ABI3BP: variants seen among roughly 807,000 people sequenced by gnomAD.
ABI3BP encodes the protein target of Nesh-SH3.
ABI3BP carries 216 observed loss-of-function variants against 268.6 expected under a neutral mutation model. The ratio of observed to expected loss-of-function variants is 0.80; its 90% confidence interval spans 0.72 to 0.90. The LOEUF is 0.90. ABI3BP is among the 40% of genes least tolerant of loss of function. ABI3BP has a pLI of 0.00. For missense variants in ABI3BP, 2,090 were observed against 2,182.4 expected (o/e 0.96, Z 0.84); for synonymous variants, 730 against 730.0 (o/e 1.00, Z 0.00).
chr3:100,793,903 C>T (rs2097265794), intron 54 of ABI3BP, among the ~76,000 whole-genome samples: 1 of 151,958 alleles, frequency 6.6e-6, no homozygotes, highest in African/African-American at 2.4e-5. Context: ...GTTTCCCACA[C>T]AGCACATTTG....
intron 1 of ABI3BP, among the ~76,000 whole-genome samples, chr3:100,970,880 A>T (rs950839424): frequency 6.6e-6 from 1 of 152,152 alleles, no homozygotes; most frequent in South Asian, 2.1e-4. Context: ...TCAGTATCCA[A>T]ATGAAATGAT....
At chr3:100,882,506 G>A (rs1211634766) in intron 6 of ABI3BP, among the ~76,000 whole-genome samples, 2 of 151,030 alleles carry the variant, frequency 1.3e-5, no homozygotes, top group African/African-American at 2.4e-5. Flanking sequence ...CTCAAAGAAG[G>A]CTTAAAATAT....
At chr3:100,904,577 A>T (rs973221640) in intron 2 of ABI3BP, among the ~76,000 whole-genome samples, 1 of 152,224 alleles carries the variant, frequency 6.6e-6, no homozygotes, top group Non-Finnish European at 1.5e-5. Context: ...AGGGGGACAC[A>T]CAGAGCTGTG....
chr3:100,752,612 T>G (rs1321763015), intron 66 of ABI3BP, 175 bp downstream of exon 66: 2 of 621,540 alleles, frequency 3.2e-6, no homozygotes, highest in Non-Finnish European at 5.4e-6. Flanking sequence ...TAGCATGTCT[T>G]AAATCCTTGC....
At chr3:100,938,788 C>T (rs2067429536) in intron 1 of ABI3BP, among the ~76,000 whole-genome samples, 6 of 152,100 alleles carry the variant, frequency 3.9e-5, no homozygotes, top group Admixed American at 3.9e-4. Flanking sequence ...GCTTACATGA[C>T]CTTCCATCAG....
chr3:100,944,678 A>G (rs957489203), intron 1 of ABI3BP, among the ~76,000 whole-genome samples: 1 of 152,172 alleles, frequency 6.6e-6, no homozygotes, highest in South Asian at 2.1e-4. Context: ...TTTATCTGCC[A>G]TCTTTGCTTA....
chr3:100,958,150 A>T lies in ABI3BP; in HGVS notation c.80-31669T>A, dbSNP rs550029734. On this transcript the variant is annotated intron_variant, in intron 1 of 67. Coordinates refer to ENST00000471714, the MANE Select transcript of ABI3BP (RefSeq NM_001375547.2). ...ATCCCTAATAGACTATATTCTGAAT[A>T]TAAGACAATGAGTTTCATTGTAAGT... Among the ~76,000 whole-genome samples, 19 of 152,368 alleles carry T rather than the reference A, an allele frequency of 1.2e-4. No individual in the cohort carries two copies. The South Asian group carries it at 3.7e-3, about 30-fold the overall frequency.
At chr3:100,843,004 G>C (rs1442156336) in intron 20 of ABI3BP, among the ~76,000 whole-genome samples, 2 of 152,130 alleles carry the variant, frequency 1.3e-5, no homozygotes, top group Admixed American at 1.3e-4. Context: ...AATGATCTCT[G>C]ATATTACTTG....
chr3:100,877,527 G>A (rs6778625), intron 6 of ABI3BP, among the ~76,000 whole-genome samples: 106,453 of 152,062 alleles, frequency 0.7, 38,082 homozygotes, highest in Non-Finnish European at 0.78. Flanking sequence ...AAGTCCCACA[G>A]GAGGTTCTGA....
At chr3:100,780,567 CA>C (rs773372963) in intron 57 of ABI3BP, among the ~76,000 whole-genome samples, 2 of 151,672 alleles carry the variant, frequency 1.3e-5, no homozygotes, top group African/African-American at 4.9e-5. Context: ...TTTTGTAATT[CA>C]AAAAAAATTT....
intron 6 of ABI3BP, among the ~76,000 whole-genome samples, chr3:100,884,101 T>C (rs2040736012): frequency 6.6e-6 from 1 of 152,102 alleles, no homozygotes; most frequent in Non-Finnish European, 1.5e-5. Context: ...CAAAAGATGT[T>C]CTAAAGTTTT....
chr3:100,988,216 T>C (rs1027702523), intron 1 of ABI3BP, among the ~76,000 whole-genome samples: 1 of 152,138 alleles, frequency 6.6e-6, no homozygotes, highest in Non-Finnish European at 1.5e-5. Context: ...CATTCTTGTT[T>C]TGTCAAAGTG....
chr3:100,811,076 G>A (rs761191671), intron 48 of ABI3BP, among the ~76,000 whole-genome samples, 154 bp downstream of exon 48: 16 of 152,228 alleles, frequency 1.1e-4, no homozygotes, highest in Admixed American at 5.2e-4. Flanking sequence ...TTTGGACAAT[G>A]GTTATGGATA....
At chr3:100,891,160 A>G (rs1281678540) in intron 4 of ABI3BP, among the ~76,000 whole-genome samples, 2 of 152,182 alleles carry the variant, frequency 1.3e-5, no homozygotes, top group Non-Finnish European at 2.9e-5. Flanking sequence ...GATAAGGCAA[A>G]TGCAAGTTAT....
At chr3:100,890,984 C>CTTT (rs35008478) in intron 4 of ABI3BP, among the ~76,000 whole-genome samples, 14 of 143,708 alleles carry the variant, frequency 9.7e-5, no homozygotes, top group Admixed American at 2.1e-4. Context: ...AACTGGTCAA[C>CTTT]TTTTTTTTTT....
chr3:100,822,102 C>A (rs139844808), intron 38 of ABI3BP, among the ~76,000 whole-genome samples: 27 of 152,240 alleles, frequency 1.8e-4, no homozygotes, highest in African/African-American at 6.0e-4. Flanking sequence ...TGATAGCACT[C>A]CAAAACCAGT....
rs1443592270 is a variant in ABI3BP at position 100,817,631 on chromosome 3, A to T, written c.3089-136T>A. 4 of 542,840 alleles carry T rather than the reference A, an allele frequency of 7.4e-6. No individual in the cohort carries two copies. In the South Asian group the frequency reaches 1.2e-4, roughly 16 times the overall value. The allele number at this position is 542,840 out of a possible 1,614,324, so 33.6% of individuals were successfully genotyped here. The stretch of plus-strand genomic sequence containing the variant: ...GCCAAACCATGGTCAGGTACCCATT[A>T]GTCTCATAAGACAGATTTGCAAGAC... On this transcript the variant is annotated intron_variant, in intron 41 of 67. Coordinates refer to ENST00000471714, the MANE Select transcript of ABI3BP (RefSeq NM_001375547.2).
intron 1 of ABI3BP, among the ~76,000 whole-genome samples, chr3:100,942,258 C>T (rs1352590332): frequency 6.6e-6 from 1 of 151,870 alleles, no homozygotes; most frequent in South Asian, 2.1e-4. Context: ...TAAAATAACG[C>T]TACAATTGAG....
intron 4 of ABI3BP, among the ~76,000 whole-genome samples, chr3:100,890,757 T>TA (rs1157525204): frequency 6.6e-6 from 1 of 152,164 alleles, no homozygotes; most frequent in African/African-American, 2.4e-5. Context: ...ATAACTAACT[T>TA]AAAATCTACT....
Sources: gnomAD v4.1 joint callset for allele counts (sites outside exome capture counted in the v4.1 genomes callset) on GRCh38, gnomAD v4.1.1 for gene constraint, MANE v1.5 for transcripts, NCBI Gene and HGNC (gene_info 2026-07-23, HGNC 2026-07-21) for gene names.